P2RX7: variants seen among roughly 807,000 people sequenced by gnomAD.
P2RX7 encodes the protein purinergic receptor P2X 7.
In P2RX7, 62 loss-of-function variants were observed where a neutral mutation model predicts 71.6. The observed-to-expected ratio is 0.87, with a 90% CI of 0.71 to 1.07. The LOEUF is 1.07. Ranked by LOEUF, P2RX7 falls within the 50% of genes least tolerant of loss-of-function variation. The pLI is 0.00. For synonymous variants in P2RX7, 299 were observed against 283.3 expected (o/e 1.06, Z -0.56); for missense variants, 686 against 748.5 (o/e 0.92, Z 0.97).
intron 1 of P2RX7, among the ~76,000 whole-genome samples, chr12:121,139,131 G>A (rs1166565884): frequency 6.6e-6 from 1 of 152,106 alleles, no homozygotes; most frequent in Non-Finnish European, 1.5e-5. Flanking sequence ...TAGTAGAGAC[G>A]GGGTTTTGCC....
intron 5 of P2RX7, among the ~76,000 whole-genome samples, chr12:121,164,530 C>T (rs1251662214): frequency 6.6e-6 from 1 of 152,154 alleles, no homozygotes; most frequent in Non-Finnish European, 1.5e-5. Context: ...CCTGTAATCC[C>T]AACACTTTGG....
intron 3 of P2RX7, among the ~76,000 whole-genome samples, chr12:121,156,999 C>T (rs1878711784): frequency 6.6e-6 from 1 of 152,284 alleles, no homozygotes; most frequent in East Asian, 1.9e-4. Flanking sequence ...AAAAACAAAA[C>T]AAAACAAAAA....
chr12:121,139,848 C>T (rs937693820), intron 1 of P2RX7, among the ~76,000 whole-genome samples: 4 of 151,376 alleles, frequency 2.6e-5, no homozygotes, highest in Admixed American at 6.6e-5. Flanking sequence ...GATTCTCCTG[C>T]CTCAGCCTCC....
intron 9 of P2RX7, 26 bp from the exon 10 acceptor site, chr12:121,177,121 A>T (rs763213042): frequency 6.2e-7 from 1 of 1,607,224 alleles, no homozygotes; most frequent in South Asian, 1.1e-5. Flanking sequence ...ATTTCACCTG[A>T]GTAAACTCTC....
intron 1 of P2RX7, among the ~76,000 whole-genome samples, chr12:121,148,188 TTTTATTTATTTA>T (rs10627747): frequency 7.8e-4 from 110 of 140,486 alleles, no homozygotes; most frequent in South Asian, 1.6e-3. Context: ...CTGGGATCTT[TTTTATTTATTTA>T]TTTATTTATT....
chr12:121,147,319 T>TTTTTTG (rs1052364264), intron 1 of P2RX7, among the ~76,000 whole-genome samples: 1 of 152,242 alleles, frequency 6.6e-6, no homozygotes, highest in East Asian at 1.9e-4. Context: ...ATAGAGTTGG[T>TTTTTTG]TTTTTGTTTT....
intron 8 of P2RX7, among the ~76,000 whole-genome samples, chr12:121,173,662 C>T (rs1240568865): frequency 2.0e-5 from 3 of 152,146 alleles, no homozygotes; most frequent in African/African-American, 7.2e-5. Context: ...AGTGGAAGGG[C>T]AAGGCAGGAC....
intron 1 of P2RX7, among the ~76,000 whole-genome samples, chr12:121,145,510 CTTTT>C (rs200165825): frequency 7.0e-6 from 1 of 141,944 alleles, no homozygotes; most frequent in Non-Finnish European, 1.5e-5. Context: ...TTCTTTCTTT[CTTTT>C]TTTTTTTTTT....
At chr12:121,165,309 C>A in intron 5 of P2RX7, 48 bp from the exon 6 acceptor site, 1 of 1,496,276 alleles carries the variant, frequency 6.7e-7, no homozygotes, top group South Asian at 1.1e-5. Context: ...CATGGGCTCC[C>A]TCGGTTCCCC....
chr12:121,180,147 C>CAAAA (rs60397642), intron 11 of P2RX7, among the ~76,000 whole-genome samples: 21 of 64,580 alleles, frequency 3.3e-4, no homozygotes, highest in Non-Finnish European at 4.7e-4. Flanking sequence ...AACTCCAACT[C>CAAAA]AAAAAAAAAA....
At chr12:121,147,862 C>T (rs925071250) in intron 1 of P2RX7, among the ~76,000 whole-genome samples, 5 of 152,048 alleles carry the variant, frequency 3.3e-5, no homozygotes, top group African/African-American at 9.7e-5. Context: ...ATCTGCCTGC[C>T]TCGGCCTCCC....
chr12:121,159,949 A>C (rs1293884672), intron 3 of P2RX7, among the ~76,000 whole-genome samples: 1 of 152,016 alleles, frequency 6.6e-6, no homozygotes, highest in Non-Finnish European at 1.5e-5. Flanking sequence ...TGCTTTTCCC[A>C]TTTTTATTTA....
intron 5 of P2RX7, among the ~76,000 whole-genome samples, chr12:121,162,939 GA>G (rs1469053425): frequency 1.3e-5 from 2 of 151,922 alleles, no homozygotes; most frequent in African/African-American, 4.8e-5. Flanking sequence ...AAGAGAAGGG[GA>G]AGGGGAGGAA....
intron 1 of P2RX7, among the ~76,000 whole-genome samples, chr12:121,153,812 A>T (rs1366436239): frequency 6.6e-6 from 1 of 152,068 alleles, no homozygotes; most frequent in African/African-American, 2.4e-5. Flanking sequence ...TGAAGTGCTC[A>T]ATAAAGAGTA....
intron 11 of P2RX7, 129 bp downstream of exon 11, chr12:121,177,575 G>A (rs920718222): frequency 4.6e-5 from 39 of 840,000 alleles, no homozygotes; most frequent in African/African-American, 3.2e-4. Flanking sequence ...GTTCTACCCC[G>A]ATCAACCAAC....
chr12:121,140,664 A>G (rs1874663624), intron 1 of P2RX7, among the ~76,000 whole-genome samples: 1 of 152,206 alleles, frequency 6.6e-6, no homozygotes, highest in Admixed American at 6.5e-5. Context: ...GAGAGGCTTG[A>G]GGACTAACAC....
chr12:121,170,009 C>A (rs1292149018), intron 8 of P2RX7, among the ~76,000 whole-genome samples: 2 of 152,178 alleles, frequency 1.3e-5, no homozygotes, highest in Admixed American at 1.3e-4. Flanking sequence ...AGTGCTTATA[C>A]CTGGCCCACA....
chr12:121,159,620 CACCTAT>C (rs1879245195), intron 3 of P2RX7, among the ~76,000 whole-genome samples: 1 of 152,114 alleles, frequency 6.6e-6, no homozygotes, highest in African/African-American at 2.4e-5. Context: ...GCCATTTTCA[CACCTAT>C]GTCATGTTCT....
chr12:121,141,208 T>C (rs1207849816), intron 1 of P2RX7, among the ~76,000 whole-genome samples: 2 of 152,230 alleles, frequency 1.3e-5, no homozygotes, highest in African/African-American at 2.4e-5. Flanking sequence ...TGGAAACATA[T>C]CATGTCAAAA....
Sources: gnomAD v4.1 joint callset for allele counts (sites outside exome capture counted in the v4.1 genomes callset) on GRCh38, gnomAD v4.1.1 for gene constraint, MANE v1.5 for transcripts, NCBI Gene and HGNC (gene_info 2026-07-23, HGNC 2026-07-21) for gene names.